The following TRIM24 variants were observed in gnomAD, a reference collection of about 807,000 sequenced individuals.
TRIM24 encodes transcription intermediary factor 1-alpha.
A neutral mutation model predicts 123.9 loss-of-function variants in TRIM24; 29 were observed. The ratio of observed to expected loss-of-function variants is 0.23; its 90% CI spans 0.17 to 0.32. The LOEUF (loss-of-function observed/expected upper bound fraction) is 0.32, where lower values mean the gene tolerates loss of function less well. Ranked by LOEUF, TRIM24 falls within the 10% of genes least tolerant of loss-of-function variation. The pLI, the probability that TRIM24 is intolerant of heterozygous loss-of-function variation, is 1.00. For missense variants in TRIM24, 932 were observed against 1,295.3 expected (o/e 0.72, Z 4.31); for synonymous variants, 456 against 461.1 (o/e 0.99, Z 0.14).
rs376496518 is a variant in TRIM24 at position 138,501,052 on chromosome 7, G to A, written c.365-3238G>A. Among the ~76,000 whole-genome samples the A allele has an allele frequency of 5.9e-5, 9 of 152,050 alleles. 1 individual carries two copies. Among genetic ancestry groups the A allele is most frequent in the Admixed American group, 5.2e-4 (8 of 15,268 alleles). On this transcript the variant is annotated intron_variant, in intron 1 of 18. Transcript: ENST00000343526. ...ATTTGCTCTGAATGAGTCAGGGAGT[G>A]AGTGATGAGTGCATATGAAGGGGGC...
chr7:138,527,256 CTTTTAT>C (rs1796629792), intron 5 of TRIM24, among the ~76,000 whole-genome samples: 1 of 151,780 alleles, frequency 6.6e-6, no homozygotes, highest in South Asian at 2.1e-4. Flanking sequence ...CAAATTTCTT[CTTTTAT>C]TTTTATAAAT....
At position 138,554,738 on chromosome 7, in the gene TRIM24, G is replaced by A. The variant is rs932317515; in HGVS notation, c.1302G>A (p.Met434Ile). The change falls in exon 9 of 19, where the codon ATG becomes ATA. Residue 434 changes from methionine (M) to isoleucine (I), a missense_variant. Transcript: ENST00000343526. This position sits in a 1 kb window ranked among gnomAD's most constrained non-coding sequence, Gnocchi z 4.5. ...AGGATAAAGAGAGCCAGCCACAAAT[G>A]CCTAAGCAGAATCCTGTCGTGGAAC... is the stretch of plus-strand genomic sequence containing the variant. The part of the protein sequence containing the change: ...VIEDKESQPQ[M>I]PKQNPVVEQN... The A allele has an allele frequency of 6.2e-7, 1 of 1,614,134 alleles. No individual in the cohort carries two copies.
chr7:138,540,720 A>G (rs910086509), intron 7 of TRIM24, among the ~76,000 whole-genome samples: 1 of 152,218 alleles, frequency 6.6e-6, no homozygotes, highest in Admixed American at 6.5e-5. Context: ...ATGAATCACT[A>G]AGGTTCTTAA....
chr7:138,479,351 C>A (rs952858400), intron 1 of TRIM24, among the ~76,000 whole-genome samples: 1 of 152,124 alleles, frequency 6.6e-6, no homozygotes, highest in African/African-American at 2.4e-5. Context: ...TAGAAGTTAA[C>A]CGTTTGTCCA....
Position 138,473,007 on chromosome 7 carries a change from C to G in TRIM24, c.364+12095C>G, listed in dbSNP as rs371817023. ...AATAATTCCTTATGTTGGCTGGGTG[C>G]GTTGGCTCATGCCTGTAATCCCAAC... On this transcript the variant is annotated intron_variant, in intron 1 of 18. Transcript: ENST00000343526. Among the ~76,000 whole-genome samples the G allele has an allele frequency of 1.4e-4, 22 of 152,244 alleles. 2 individuals carry two copies. The highest frequency in any genetic ancestry group is 1.3e-3 in the Admixed American group (20 of 15,276).
intron 7 of TRIM24, among the ~76,000 whole-genome samples, chr7:138,548,647 G>A (rs529318606): frequency 2.0e-5 from 3 of 152,138 alleles, no homozygotes; most frequent in Non-Finnish European, 2.9e-5. Context: ...CTTACTTAAG[G>A]AAAGCTTACC....
intron 1 of TRIM24, among the ~76,000 whole-genome samples, chr7:138,488,300 C>G (rs1317396354): frequency 6.6e-6 from 1 of 151,428 alleles, no homozygotes; most frequent in Non-Finnish European, 1.5e-5. Context: ...AAAAACAGCT[C>G]CTGAATTCAT....
chr7:138,540,921 C>T (rs1356786411), intron 7 of TRIM24, among the ~76,000 whole-genome samples: 1 of 152,176 alleles, frequency 6.6e-6, no homozygotes, highest in African/African-American at 2.4e-5. Flanking sequence ...TCACTGCAAC[C>T]TCTAGCTCCC....
In TRIM24 at chr7:138,519,190, G is replaced by A. The variant is rs1442082305; in HGVS notation, c.633G>A (p.Glu211=). 1.2e-6 allele frequency: 2 copies of A among 1,613,920 alleles called. No individual in the cohort carries two copies. The highest frequency in any genetic ancestry group is 2.2e-5 in the South Asian group (2 of 91,076). Residue 211 remains glutamate (E), a splice_region_variant and synonymous_variant, in exon 4 of 19, where the codon GAG becomes GAA. Coordinates refer to ENST00000343526, the MANE Select transcript of TRIM24 (RefSeq NM_015905.3). ...CTTTGTCTCCCATTGTTTCTGCAGA[G>A]GCAGTTGGTGTCACCAGCCAGCGAC... The part of the protein sequence containing the change: ...TVRQKEEVSP[E]AVGVTSQRPV...
chr7:138,489,378 G>A (rs1433326919), intron 1 of TRIM24, among the ~76,000 whole-genome samples: 1 of 152,180 alleles, frequency 6.6e-6, no homozygotes, highest in Non-Finnish European at 1.5e-5. Context: ...GTGTGAATTT[G>A]ATCCTGTCAT....
chr7:138,510,483 G>A (rs575510097), intron 2 of TRIM24, among the ~76,000 whole-genome samples: 61 of 152,016 alleles, frequency 4.0e-4, no homozygotes, highest in East Asian at 1.2e-3. Flanking sequence ...ATGCAGTGGC[G>A]CGATCTTGGC....
At chr7:138,578,127 G>A (rs914735065) in intron 14 of TRIM24, among the ~76,000 whole-genome samples, 2 of 152,106 alleles carry the variant, frequency 1.3e-5, no homozygotes, top group Admixed American at 1.3e-4. Flanking sequence ...AGAATCTCCT[G>A]TTGGAGATTG....
intron 10 of TRIM24, among the ~76,000 whole-genome samples, chr7:138,568,468 C>T (rs1797585719): frequency 1.4e-5 from 2 of 146,306 alleles, no homozygotes; most frequent in African/African-American, 5.0e-5. Context: ...CTCACTGCAA[C>T]CTCTGCCTTC....
chr7:138,560,178 A>C (rs1371537356), intron 9 of TRIM24, among the ~76,000 whole-genome samples: 1 of 152,180 alleles, frequency 6.6e-6, no homozygotes, highest in Non-Finnish European at 1.5e-5. Context: ...TAGCTGTATA[A>C]GTGTCCAATT....
At chr7:138,562,653 C>A (rs1319384932) in intron 9 of TRIM24, among the ~76,000 whole-genome samples, 1 of 152,144 alleles carries the variant, frequency 6.6e-6, no homozygotes, top group Admixed American at 6.5e-5. Flanking sequence ...CTGGTTTTAG[C>A]TCTACTACCA....
intron 18 of TRIM24, among the ~76,000 whole-genome samples, chr7:138,584,493 ATG>A (rs1358667770): frequency 4.6e-5 from 7 of 152,192 alleles, no homozygotes; most frequent in Non-Finnish European, 1.0e-4. Flanking sequence ...CCTAACTGAT[ATG>A]TGTTTGGCAA....
chr7:138,588,403 AAAATTATGGTGAATGGGT>A lies in TRIM24; in HGVS notation c.*3453_*3470del, dbSNP rs1418027115. The A allele has an allele frequency of 6.6e-6, 1 of 152,272 alleles. No homozygotes were observed. Among genetic ancestry groups the A allele is most frequent in the Non-Finnish European group, 1.5e-5 (1 of 68,068 alleles). The allele number at this position is 152,272 out of a possible 1,614,324, so 9.4% of individuals were successfully genotyped here. On this transcript the variant is annotated 3_prime_UTR_variant, in exon 19 of 19. Coordinates refer to ENST00000343526, the MANE Select transcript of TRIM24 (RefSeq NM_015905.3). ...AAATTGAGTGATCTGATTGGCCATT[AAAATTATGGTGAATGGGT>A]CGGGCGCAGTGGCTCACGCCTGTAA...
In TRIM24 at chr7:138,579,337, C is replaced by A. The variant is rs766316567; in HGVS notation, c.2390C>A (p.Ser797Tyr). 6.2e-7 allele frequency: 1 copy of A among 1,614,156 alleles called. No homozygotes were observed. Among genetic ancestry groups the A allele is most frequent in the South Asian group, 1.1e-5 (1 of 91,072 alleles). Reference protein sequence around the residue: ...GDQPGLHQDNSSNGKSEWLDP... With the variant: ...GDQPGLHQDNYSNGKSEWLDP... ...CAACCTGGACTTCACCAGGACAATT[C>A]CTCAAATGGAAAGTCTGAATGGTTG... The change falls in exon 15 of 19, where the codon TCC (serine) becomes TAC (tyrosine). Residue 797 changes from serine (S) to tyrosine (Y), a missense_variant. Physicochemically the swap from Ser to Tyr is moderately radical, Grantham distance 144. This residue lies in a region of TRIM24 where 527 missense variants were observed against 691.3 expected (regional missense o/e 0.76). Transcript: ENST00000343526.
chr7:138,579,244 A>G lies in TRIM24; in HGVS notation c.2297A>G (p.Asn766Ser), dbSNP rs747818728. The G allele has an allele frequency of 7.0e-5, 113 of 1,608,232 alleles. No homozygotes were observed. The highest frequency in any genetic ancestry group is 9.4e-5 in the Non-Finnish European group (110 of 1,176,396). ...AGCATACTCACCTCCCTGCTCTTAA[A>G]TAGCAGTCAGAGCTCTACTTCTGAG... ...PRSILTSLLL[N>S]SSQSSTSEET... The change falls in exon 15 of 19, where the codon AAT becomes AGT. Residue 766 changes from asparagine to serine, a missense_variant. Around this residue, in one of 7 missense-constraint regions of TRIM24, gnomAD observed 527 missense variants for 691.3 expected, o/e 0.76. Coordinates refer to ENST00000343526, the MANE Select transcript of TRIM24 (RefSeq NM_015905.3).
Sources: gnomAD v4.1 joint callset for allele counts (sites outside exome capture counted in the v4.1 genomes callset) on GRCh38, gnomAD v4.1.1 for gene constraint, gnomAD v4.1.1 regional missense constraint, Gnocchi (gnomAD v3.1) non-coding constraint, MANE v1.5 for transcripts, NCBI Gene and HGNC (gene_info 2026-07-23, HGNC 2026-07-21) for gene names.